The following MRPL48 variants were observed in gnomAD, a reference collection of about 807,000 sequenced individuals.
MRPL48 encodes large ribosomal subunit protein mL48.
A neutral mutation model predicts 32.9 loss-of-function variants in MRPL48; 16 were observed. The ratio of observed to expected loss-of-function variants is 0.49; its 90% confidence interval spans 0.33 to 0.74. The LOEUF (loss-of-function observed/expected upper bound fraction) is 0.74, where lower values mean the gene tolerates loss of function less well. Among genes scored for constraint, MRPL48 ranks in the 30% least tolerant of loss-of-function variants. The pLI, the probability that MRPL48 is intolerant of heterozygous loss-of-function variation, is 0.02. For synonymous variants in MRPL48, 94 were observed against 89.2 expected (o/e 1.05, Z -0.31); for missense variants, 206 against 245.3 (o/e 0.84, Z 1.07).
chr11:73,825,832 T>C (rs1947879106), intron 4 of MRPL48, 36 bp downstream of exon 4: 1 of 1,517,862 alleles, frequency 6.6e-7, no homozygotes, highest in Non-Finnish European at 8.9e-7. Context: ...AAAAGGATAA[T>C]GTGCAGCTTT....
Position 73,787,926 on chromosome 11 carries a change from G to A in MRPL48, c.-46G>A. ...GACGCCCTGGGAACGCGGCTGCAGGGTCCGGTCTTCGGTTTGCACAGCTAG... is the reference window on the plus strand; with the variant it reads ...GACGCCCTGGGAACGCGGCTGCAGGATCCGGTCTTCGGTTTGCACAGCTAG... On this transcript the variant is annotated 5_prime_UTR_variant, in exon 1 of 8. Coordinates refer to ENST00000310614, the MANE Select transcript of MRPL48 (RefSeq NM_016055.6). 1 of 1,606,596 alleles carries A rather than the reference G, an allele frequency of 6.2e-7. No individual in the cohort carries two copies. Among genetic ancestry groups the A allele is most frequent in the African/African-American group, 1.3e-5 (1 of 74,808 alleles).
chr11:73,821,025 C>T (rs1670540), intron 3 of MRPL48, among the ~76,000 whole-genome samples: 77,530 of 151,968 alleles, frequency 0.51, 21,028 homozygotes, highest in African/African-American at 0.71. Flanking sequence ...GAGAGGGTCT[C>T]GCTCTGTTGC....
At chr11:73,790,136 C>A (rs577360590) in intron 1 of MRPL48, among the ~76,000 whole-genome samples, 94 of 141,338 alleles carry the variant, frequency 6.7e-4, no homozygotes, top group African/African-American at 2.4e-3. Context: ...GTGGCGCGAT[C>A]TCGGCTCACT....
chr11:73,840,613 C>T (rs949085484), intron 4 of MRPL48, among the ~76,000 whole-genome samples: 2 of 152,132 alleles, frequency 1.3e-5, no homozygotes, highest in East Asian at 3.9e-4. Flanking sequence ...GATTCTCCTG[C>T]CTCAGCCTCT....
At chr11:73,850,734 C>T (rs530957138) in intron 5 of MRPL48, 29 of 206,570 alleles carry the variant, frequency 1.4e-4, no homozygotes, top group East Asian at 1.5e-4. Context: ...TGGAATGCAG[C>T]GGCGCGATCT....
At chr11:73,855,089 TTATTAC>T (rs1169899518) in intron 5 of MRPL48, among the ~76,000 whole-genome samples, 6 of 152,176 alleles carry the variant, frequency 3.9e-5, no homozygotes, top group Admixed American at 1.3e-4. Flanking sequence ...GCTGCTATTA[TTATTAC>T]TATTACTATT....
At chr11:73,825,616 A>C (rs1590966045) in intron 3 of MRPL48, 92 bp from the exon 4 acceptor site, 2 of 1,135,072 alleles carry the variant, frequency 1.8e-6, no homozygotes, top group Non-Finnish European at 2.5e-6. Context: ...ATTACATCCC[A>C]GCTTGGGTGA....
At chr11:73,835,214 T>C (rs1948076526) in intron 4 of MRPL48, among the ~76,000 whole-genome samples, 1 of 145,088 alleles carries the variant, frequency 6.9e-6, no homozygotes, top group Non-Finnish European at 1.5e-5. Context: ...TGATCTTGGC[T>C]CACTGCAACC....
intron 4 of MRPL48, among the ~76,000 whole-genome samples, chr11:73,830,744 C>T (rs1317772406): frequency 6.6e-6 from 1 of 152,108 alleles, no homozygotes; most frequent in Non-Finnish European, 1.5e-5. Context: ...ATTCCTCCTT[C>T]GAAAGGTCCC....
At chr11:73,839,156 T>C (rs935893802) in intron 4 of MRPL48, among the ~76,000 whole-genome samples, 1 of 152,200 alleles carries the variant, frequency 6.6e-6, no homozygotes, top group African/African-American at 2.4e-5. Context: ...ATCATCAGTA[T>C]TACTGGCCTT....
chr11:73,851,711 G>T (rs1948393441), intron 5 of MRPL48, among the ~76,000 whole-genome samples: 1 of 141,264 alleles, frequency 7.1e-6, no homozygotes, highest in Non-Finnish European at 1.6e-5. Flanking sequence ...TGCCATATGG[G>T]AGACATTCAG....
At chr11:73,825,173 A>G (rs1947861034) in intron 3 of MRPL48, among the ~76,000 whole-genome samples, 1 of 151,614 alleles carries the variant, frequency 6.6e-6, no homozygotes, top group African/African-American at 2.4e-5. Flanking sequence ...AGAAGTTTTA[A>G]CTTTTTATAT....
At chr11:73,853,157 A>ATT (rs1948429701) in intron 5 of MRPL48, among the ~76,000 whole-genome samples, 1 of 152,072 alleles carries the variant, frequency 6.6e-6, no homozygotes, top group Non-Finnish European at 1.5e-5. Context: ...AAATAGAAAG[A>ATT]TTGAATAAGA....
intron 3 of MRPL48, among the ~76,000 whole-genome samples, chr11:73,812,328 T>C (rs940701458): frequency 1.3e-5 from 2 of 152,214 alleles, no homozygotes; most frequent in Non-Finnish European, 2.9e-5. Flanking sequence ...AGGTCGTTTT[T>C]AGTTTTTTGC....
At chr11:73,812,378 T>G (rs995125956) in intron 3 of MRPL48, among the ~76,000 whole-genome samples, 5 of 152,188 alleles carry the variant, frequency 3.3e-5, no homozygotes, top group Non-Finnish European at 7.4e-5. Context: ...TCGTATGTCT[T>G]TGTAAACTTG....
At chr11:73,845,900 T>G (rs111553349) in intron 5 of MRPL48, among the ~76,000 whole-genome samples, 21,519 of 151,676 alleles carry the variant, frequency 0.14, 1,598 homozygotes, top group African/African-American at 0.16. Context: ...AAACCCTGTC[T>G]CCACTAAAAA....
intron 1 of MRPL48, among the ~76,000 whole-genome samples, chr11:73,795,553 C>CTGGA (rs1947239767): frequency 6.6e-6 from 1 of 151,784 alleles, no homozygotes. Flanking sequence ...GTCACCCAGG[C>CTGGA]TGGAGTACAG....
intron 1 of MRPL48, among the ~76,000 whole-genome samples, chr11:73,797,462 G>T (rs1422526326): frequency 1.3e-5 from 2 of 152,194 alleles, no homozygotes; most frequent in African/African-American, 4.8e-5. Context: ...GGAGCTCCCT[G>T]AGCCAGGGCT....
Position 73,859,928 on chromosome 11 carries a change from C to T in MRPL48, c.393C>T (p.Thr131=), listed in dbSNP as rs1315531881. Residue 131 remains threonine, a synonymous_variant, in exon 6 of 8, where the codon ACC becomes ACT. Coordinates refer to ENST00000310614, the MANE Select transcript of MRPL48 (RefSeq NM_016055.6). ...VEESYAMPTK[T]IEVLQLQDQG... is the part of the protein sequence containing the mutation. ...ACAGTTATGCAATGCCAACCAAAACCATAGAAGTGTTGCAGTTGCAGGACC... is the reference window on the plus strand; with the variant it reads ...ACAGTTATGCAATGCCAACCAAAACTATAGAAGTGTTGCAGTTGCAGGACC... 6.2e-7 allele frequency: 1 copy of T among 1,613,658 alleles called. No individual in the cohort carries two copies. Among genetic ancestry groups the T allele is most frequent in the Non-Finnish European group, 8.5e-7 (1 of 1,179,858 alleles).
Sources: allele counts gnomAD v4.1 joint callset (sites outside exome capture counted in the v4.1 genomes callset), GRCh38; gene constraint gnomAD v4.1.1; transcripts MANE v1.5; gene names NCBI Gene and HGNC (gene_info 2026-07-23, HGNC 2026-07-21).